The following SYNE3 variants were observed in gnomAD, a reference collection of about 807,000 sequenced individuals.
SYNE3 encodes spectrin repeat containing nuclear envelope family member 3, also known as nesprin-3.
In SYNE3, 100 loss-of-function variants were observed where a neutral mutation model predicts 111.2. The observed-to-expected ratio is 0.90, with a 90% CI of 0.77 to 1.06. SYNE3 has a LOEUF of 1.06. SYNE3 is among the 50% of genes least tolerant of loss of function. The pLI, the probability that SYNE3 is intolerant of heterozygous loss-of-function variation, is 0.00. For missense variants in SYNE3, 1,160 were observed against 1,240.3 expected, an observed-to-expected ratio of 0.94 and a Z score of 0.97; for synonymous variants, 547 against 533.9, an observed-to-expected ratio of 1.02 and a Z score of -0.34.
intron 1 of SYNE3, among the ~76,000 whole-genome samples, chr14:95,476,128 C>T (rs1888875293): frequency 6.6e-6 from 1 of 152,228 alleles, no homozygotes; most frequent in South Asian, 2.1e-4. Context: ...GGCCCGGAGG[C>T]AATTCTCGTC....
At chr14:95,421,334 A>C (rs867225052) in intron 17 of SYNE3, among the ~76,000 whole-genome samples, 2 of 152,176 alleles carry the variant, frequency 1.3e-5, no homozygotes, top group East Asian at 1.9e-4. Flanking sequence ...AAGGTCTTAC[A>C]TGATGAATCT....
Position 95,500,210 on chromosome 14 carries a change from C to T in SYNE3, c.-15+16386G>A, listed in dbSNP as rs1367338481. Among the ~76,000 whole-genome samples, 1 of 152,148 alleles carries T rather than the reference C, an allele frequency of 6.6e-6. No individual in the cohort carries two copies. The highest frequency in any genetic ancestry group is 1.5e-5 in the Non-Finnish European group (1 of 68,024). On this transcript the variant is annotated intron_variant, in intron 1 of 17. Coordinates refer to ENST00000682763, the MANE Select transcript of SYNE3 (RefSeq NM_152592.6). This position sits in a 1 kb window ranked among gnomAD's most constrained non-coding sequence, Gnocchi z 4.7. ...TCCAGAGGACCCTTGAGACCTTCTC[C>T]CCAGAACCTTCACCTCCTTGGAGTC... is the stretch of plus-strand genomic sequence containing the variant.
chr14:95,417,178 T>G lies in SYNE3; in HGVS notation c.*648A>C, dbSNP rs187313828. 2.5e-5 allele frequency: 4 copies of G among 157,954 alleles called. No homozygotes were observed. Among genetic ancestry groups the G allele is most frequent in the Admixed American group, 2.4e-4 (4 of 16,908 alleles). 9.8% of individuals were successfully genotyped at this position (157,954 alleles called of 1,614,324 possible). ...TCTCTGCAGCTCTTCTTTTTCTCCC[T>G]CGATATCACTCTGTCACTTGTCACT... On this transcript the variant is annotated 3_prime_UTR_variant, in exon 18 of 18. Coordinates refer to ENST00000682763, the MANE Select transcript of SYNE3 (RefSeq NM_152592.6).
chr14:95,407,713 T>C lies in SYNE3; in HGVS notation c.*10113A>G, dbSNP rs946336604. 3 of 152,150 alleles carry C rather than the reference T, an allele frequency of 2.0e-5. No individual in the cohort carries two copies. Among genetic ancestry groups the C allele is most frequent in the African/African-American group, 7.2e-5 (3 of 41,444 alleles). The allele number at this position is 152,150 out of a possible 1,614,324, so 9.4% of individuals were successfully genotyped here. On this transcript the variant is annotated 3_prime_UTR_variant, in exon 18 of 18. Coordinates refer to ENST00000682763, the MANE Select transcript of SYNE3 (RefSeq NM_152592.6). Reference sequence around the variant, plus strand: ...TGTCTTTGACATCAAAAATCATTTATGCAGCATCTACATGCACATATACAC... The same window carrying C: ...TGTCTTTGACATCAAAAATCATTTACGCAGCATCTACATGCACATATACAC...
chr14:95,446,711 A>G (rs1050128017), intron 8 of SYNE3, among the ~76,000 whole-genome samples: 4 of 152,212 alleles, frequency 2.6e-5, no homozygotes, highest in African/African-American at 4.8e-5. Flanking sequence ...TTTGCCAGGC[A>G]AAGAGGAGAA....
intron 2 of SYNE3, among the ~76,000 whole-genome samples, chr14:95,473,958 C>T (rs111532110): frequency 0.24 from 27,409 of 113,196 alleles, 3,960 homozygotes; most frequent in East Asian, 0.43. Flanking sequence ...TGTGAGCTTG[C>T]GAGGTGTGAC....
In SYNE3 at chr14:95,416,100, G is replaced by A. The variant is rs533373146; in HGVS notation, c.*1726C>T. 8 of 145,330 alleles carry A rather than the reference G, an allele frequency of 5.5e-5. No individual in the cohort carries two copies. Among genetic ancestry groups the A allele is most frequent in the Non-Finnish European group, 8.9e-5 (6 of 67,784 alleles). The allele number at this position is 145,330 out of a possible 1,614,324, so 9.0% of individuals were successfully genotyped here. A position where few individuals can be genotyped will look rare whatever the true frequency, so the allele number is the denominator to read the frequency against. On this transcript the variant is annotated 3_prime_UTR_variant, in exon 18 of 18. Coordinates refer to ENST00000682763, the MANE Select transcript of SYNE3 (RefSeq NM_152592.6). Reference sequence around the variant, plus strand: ...GCTTAAAGTTGTAACAAATACAGACGAGTTAAAAGAAAAAAAAAAGTACGC... The same window carrying A: ...GCTTAAAGTTGTAACAAATACAGACAAGTTAAAAGAAAAAAAAAAGTACGC...
chr14:95,468,081 G>C, intron 2 of SYNE3, 114 bp from the exon 3 acceptor site: 1 of 1,241,032 alleles, frequency 8.1e-7, no homozygotes, highest in Non-Finnish European at 1.1e-6. Flanking sequence ...GAGGATCTGG[G>C]ATTCACATCA....
At chr14:95,502,643 A>G (rs529018771) in intron 1 of SYNE3, among the ~76,000 whole-genome samples, 1 of 152,092 alleles carries the variant, frequency 6.6e-6, no homozygotes, top group Non-Finnish European at 1.5e-5. Context: ...ACTAATTACG[A>G]CACCACCATC....
At chr14:95,487,935 C>CTCT (rs145060812) in intron 1 of SYNE3, among the ~76,000 whole-genome samples, 2 of 151,846 alleles carry the variant, frequency 1.3e-5, no homozygotes, top group Non-Finnish European at 2.9e-5. Flanking sequence ...CCTCCTCCTC[C>CTCT]TCAGCCTACT....
At chr14:95,478,626 G>C (rs887211200) in intron 1 of SYNE3, among the ~76,000 whole-genome samples, 1 of 152,208 alleles carries the variant, frequency 6.6e-6, no homozygotes, top group African/African-American at 2.4e-5. Flanking sequence ...CCCCTTGCAA[G>C]GAAGAATGGT....
chr14:95,423,028 G>A (rs549498558), intron 17 of SYNE3, among the ~76,000 whole-genome samples: 247 of 152,318 alleles, frequency 1.6e-3, no homozygotes, highest in Non-Finnish European at 2.9e-3. Context: ...TTCGCTCCCC[G>A]TAAGAACTCA....
chr14:95,449,608 C>A, intron 8 of SYNE3: 10 of 985,446 alleles, frequency 1.0e-5, no homozygotes, highest in Non-Finnish European at 1.2e-5. Flanking sequence ...GGTTTCTTGC[C>A]ACTTGGAGCT....
chr14:95,444,396 C>G (rs1886583182), intron 10 of SYNE3, 89 bp downstream of exon 10: 5 of 1,478,642 alleles, frequency 3.4e-6, no homozygotes, highest in Non-Finnish European at 4.5e-6. Context: ...GCAGCTGTTG[C>G]TTTGCTGGTT....
At chr14:95,499,786 A>G (rs548968137) in intron 1 of SYNE3, among the ~76,000 whole-genome samples, 1 of 150,592 alleles carries the variant, frequency 6.6e-6, no homozygotes, top group Non-Finnish European at 1.5e-5. Flanking sequence ...AATTGTCCTC[A>G]TTCTGCTGGG....
At chr14:95,508,837 T>C (rs1890620336) in intron 1 of SYNE3, among the ~76,000 whole-genome samples, 1 of 152,228 alleles carries the variant, frequency 6.6e-6, no homozygotes, top group Non-Finnish European at 1.5e-5. Context: ...CAGAGGGAGA[T>C]GACACATATT....
At chr14:95,445,835 C>A in intron 9 of SYNE3, 74 bp downstream of exon 9, 1 of 1,516,180 alleles carries the variant, frequency 6.6e-7, no homozygotes. Context: ...GAACATAAGG[C>A]CATCTGCCTC....
At position 95,433,432 on chromosome 14, in the gene SYNE3, G is replaced by A. The variant is rs200719423; in HGVS notation, c.2539-23C>T. ...CTCCTGGGGGAAACAGCAGCGTCAT[G>A]GTGCGGCTTCCAAATGGCCCAGACA... On this transcript the variant is annotated intron_variant, in intron 15 of 17. Coordinates refer to ENST00000682763, the MANE Select transcript of SYNE3 (RefSeq NM_152592.6). 153 of 1,612,600 alleles carry A rather than the reference G, an allele frequency of 9.5e-5. No homozygotes were observed. In the African/African-American group the frequency reaches 1.7e-3, roughly 18 times the overall value.
chr14:95,512,627 C>A (rs1216558696), intron 1 of SYNE3, among the ~76,000 whole-genome samples: 1 of 151,198 alleles, frequency 6.6e-6, no homozygotes, highest in Non-Finnish European at 1.5e-5. Flanking sequence ...CTGAGGTGGG[C>A]AGATCACGAG....
Sources: allele counts gnomAD v4.1 joint callset (sites outside exome capture counted in the v4.1 genomes callset), GRCh38; gene constraint gnomAD v4.1.1; non-coding constraint Gnocchi (gnomAD v3.1); transcripts MANE v1.5; gene names NCBI Gene and HGNC (gene_info 2026-07-23, HGNC 2026-07-21).